TMTC2: variants seen among roughly 807,000 people sequenced by gnomAD.
TMTC2 encodes transmembrane O-mannosyltransferase targeting cadherins 2.
Under a neutral mutation model 82.4 loss-of-function variants are expected in TMTC2, and 43 were observed. The ratio of observed to expected loss-of-function variants is 0.52; its 90% CI spans 0.41 to 0.67. The LOEUF (loss-of-function observed/expected upper bound fraction) is 0.67. TMTC2 is among the 30% of genes least tolerant of loss of function. The pLI is 0.00. For synonymous variants in TMTC2, 408 were observed against 381.9 expected, an observed-to-expected ratio of 1.07 and a Z score of -0.80; for missense variants, 919 against 1,012.4, an observed-to-expected ratio of 0.91 and a Z score of 1.25.
intron 2 of TMTC2, among the ~76,000 whole-genome samples, chr12:82,866,261 A>G (rs1222066726): frequency 6.6e-6 from 1 of 151,900 alleles, no homozygotes; most frequent in Non-Finnish European, 1.5e-5. Context: ...AAAAAAAAAA[A>G]AACAAAAAAC....
At chr12:82,736,874 A>G (rs1875153386) in intron 1 of TMTC2, among the ~76,000 whole-genome samples, 1 of 152,208 alleles carries the variant, frequency 6.6e-6, no homozygotes, top group Non-Finnish European at 1.5e-5. Context: ...TATCCCAGTT[A>G]TAGAGCTTTT....
intron 11 of TMTC2, among the ~76,000 whole-genome samples, chr12:83,085,580 T>G (rs1235922061): frequency 2.0e-5 from 3 of 152,098 alleles, no homozygotes; most frequent in African/African-American, 7.2e-5. Context: ...CCATGAAAAA[T>G]AGTACCCACA....
At chr12:83,046,967 A>G (rs1471550830) in intron 9 of TMTC2, among the ~76,000 whole-genome samples, 4 of 152,198 alleles carry the variant, frequency 2.6e-5, no homozygotes, top group Admixed American at 1.3e-4. Context: ...CAATCCTAAC[A>G]TTGTTGGAAA....
intron 4 of TMTC2, among the ~76,000 whole-genome samples, chr12:82,964,317 GAT>G (rs906585624): frequency 2.0e-5 from 3 of 152,010 alleles, no homozygotes; most frequent in African/African-American, 7.2e-5. Context: ...GCATGGCTGA[GAT>G]ATTACATGCA....
intron 8 of TMTC2, among the ~76,000 whole-genome samples, chr12:82,991,408 A>C (rs1879398459): frequency 6.6e-6 from 1 of 152,206 alleles, no homozygotes; most frequent in Admixed American, 6.5e-5. Context: ...ATACTAGTTT[A>C]ATTTGAGTGG....
intron 8 of TMTC2, among the ~76,000 whole-genome samples, chr12:82,990,086 A>G (rs1024221347): frequency 6.6e-6 from 1 of 152,134 alleles, no homozygotes; most frequent in South Asian, 2.1e-4. Context: ...AATACCACAC[A>G]TTTTGACTTC....
intron 1 of TMTC2, among the ~76,000 whole-genome samples, chr12:82,702,086 G>T (rs923481668): frequency 1.1e-4 from 17 of 152,142 alleles, no homozygotes; most frequent in African/African-American, 4.1e-4. Context: ...GATGGGGTTG[G>T]TTATATTTGC....
At chr12:82,898,984 G>C (rs557316052) in intron 3 of TMTC2, among the ~76,000 whole-genome samples, 1 of 152,160 alleles carries the variant, frequency 6.6e-6, no homozygotes, top group African/African-American at 2.4e-5. Context: ...TGAAAGTTAC[G>C]ATTCTAAATA....
At chr12:82,802,151 C>T (rs889368599) in intron 1 of TMTC2, among the ~76,000 whole-genome samples, 5 of 152,248 alleles carry the variant, frequency 3.3e-5, no homozygotes, top group East Asian at 3.9e-4. Context: ...CTGCAGGTCC[C>T]GAGCCCTGCC....
At chr12:82,793,665 C>T (rs1450145654) in intron 1 of TMTC2, among the ~76,000 whole-genome samples, 3 of 152,012 alleles carry the variant, frequency 2.0e-5, no homozygotes, top group Non-Finnish European at 2.9e-5. Context: ...GCCTTCTTCC[C>T]GTGCTGTTAG....
chr12:83,094,345 T>C lies in TMTC2; in HGVS notation c.2331+32514T>C, dbSNP rs977100202. 2.6e-5 allele frequency among the ~76,000 whole-genome samples: 4 copies of C among 152,286 alleles called. No homozygotes were observed. The East Asian group carries it at 7.7e-4, about 29-fold the overall frequency. ...GAGCATTTCCACTTTTGAAGGAAGA[T>C]GTAGACAATACTGTGGTGTGTTCAG... is the stretch of plus-strand genomic sequence containing the variant. On this transcript the variant is annotated intron_variant, in intron 11 of 11. Transcript: ENST00000321196.
At chr12:82,776,601 A>T (rs1877611567) in intron 1 of TMTC2, among the ~76,000 whole-genome samples, 1 of 141,980 alleles carries the variant, frequency 7.0e-6, no homozygotes, top group Non-Finnish European at 1.5e-5. Context: ...CAACAGAAAG[A>T]TGTTGTCTCT....
chr12:83,059,928 C>G (rs551901230), intron 10 of TMTC2, among the ~76,000 whole-genome samples: 1 of 151,710 alleles, frequency 6.6e-6, no homozygotes, highest in Non-Finnish European at 1.5e-5. Flanking sequence ...AATTTCCTAC[C>G]TGCATGCCTT....
At chr12:82,788,981 A>G (rs774060234) in intron 1 of TMTC2, among the ~76,000 whole-genome samples, 8 of 152,156 alleles carry the variant, frequency 5.3e-5, no homozygotes, top group Non-Finnish European at 1.0e-4. Flanking sequence ...CTCAGGCAAC[A>G]TAGGAGGACT....
Position 83,134,076 on chromosome 12 carries a change from A to AGGG in TMTC2, c.*1688_*1690dup. 6.5e-6 allele frequency: 1 copy of AGGG among 152,748 alleles called. No homozygotes were observed. The highest frequency in any genetic ancestry group is 1.9e-4 in the East Asian group (1 of 5,178). 9.5% of individuals were successfully genotyped at this position (152,748 alleles called of 1,614,324 possible). A position where few individuals can be genotyped will look rare whatever the true frequency, so the allele number is the denominator to read the frequency against. ...CTATGGCATTAGTGTTTTTGTGAGAAGGGTAAATGTAGTGAGAAAGGTTTT... is the reference window on the plus strand; with the variant it reads ...CTATGGCATTAGTGTTTTTGTGAGAAGGGGGGTAAATGTAGTGAGAAAGGTTTT... On this transcript the variant is annotated 3_prime_UTR_variant, in exon 12 of 12. Transcript: ENST00000321196.
At chr12:83,101,575 A>T (rs560588934) in intron 11 of TMTC2, among the ~76,000 whole-genome samples, 1 of 152,334 alleles carries the variant, frequency 6.6e-6, no homozygotes, top group African/African-American at 2.4e-5. Flanking sequence ...TGTTTATCAA[A>T]ATGAAAACTA....
intron 9 of TMTC2, among the ~76,000 whole-genome samples, chr12:83,047,228 G>A (rs1387763241): frequency 6.6e-6 from 1 of 152,126 alleles, no homozygotes; most frequent in East Asian, 1.9e-4. Context: ...TGGGAGAGGG[G>A]TGATGTGAGG....
intron 1 of TMTC2, among the ~76,000 whole-genome samples, chr12:82,825,013 C>A (rs114637374): frequency 6.6e-6 from 1 of 151,350 alleles, no homozygotes; most frequent in Non-Finnish European, 1.5e-5. Context: ...CACTTGAACC[C>A]GGAAGTTGGA....
At chr12:82,729,337 A>T (rs1592880430) in intron 1 of TMTC2, among the ~76,000 whole-genome samples, 1 of 152,166 alleles carries the variant, frequency 6.6e-6, no homozygotes, top group South Asian at 2.1e-4. Context: ...GACACTCTGT[A>T]TCTAGCTACT....
Sources: gnomAD v4.1 joint callset for allele counts (sites outside exome capture counted in the v4.1 genomes callset) on GRCh38, gnomAD v4.1.1 for gene constraint, MANE v1.5 for transcripts, NCBI Gene and HGNC (gene_info 2026-07-23, HGNC 2026-07-21) for gene names.